KCNA6: variants seen among roughly 807,000 people sequenced by gnomAD.
KCNA6 encodes the protein human brain potassium channel-2.
Under a neutral mutation model 29.5 loss-of-function variants are expected in KCNA6, and 17 were observed. The observed-to-expected ratio is 0.58, with a 90% CI of 0.39 to 0.86. The LOEUF (loss-of-function observed/expected upper bound fraction) is 0.86, where lower values mean the gene tolerates loss of function less well. KCNA6 is among the 40% of genes least tolerant of loss of function. The pLI, the probability that KCNA6 is intolerant of heterozygous loss-of-function variation, is 0.00. For missense variants in KCNA6, 450 were observed against 703.4 expected (o/e 0.64, Z 4.07); for synonymous variants, 296 against 304.7 (o/e 0.97, Z 0.30).
chr12:4,828,650 G>A, the KCNA6 span, among the ~76,000 whole-genome samples: 1 of 152,198 alleles, frequency 6.6e-6, no homozygotes, highest in Non-Finnish European at 1.5e-5. Flanking sequence ...GGGCTTATGT[G>A]TACCAGCGCA....
chr12:4,832,848 A>G, the KCNA6 span, among the ~76,000 whole-genome samples: 4 of 152,190 alleles, frequency 2.6e-5, no homozygotes, highest in South Asian at 2.1e-4. Flanking sequence ...CACTCAGCAG[A>G]GGTTACCTTG....
chr12:4,830,955 C>T, the KCNA6 span, among the ~76,000 whole-genome samples: 1 of 152,238 alleles, frequency 6.6e-6, no homozygotes. Flanking sequence ...TCACTTTCCT[C>T]TCTCAGGCCC....
the KCNA6 span, among the ~76,000 whole-genome samples, chr12:4,840,863 A>C: frequency 5.9e-5 from 9 of 152,342 alleles, no homozygotes; most frequent in African/African-American, 1.7e-4. Context: ...GCACACAAGG[A>C]AGATTCTCAA....
At chr12:4,832,221 A>G in the KCNA6 span, among the ~76,000 whole-genome samples, 1 of 152,002 alleles carries the variant, frequency 6.6e-6, no homozygotes, top group South Asian at 2.1e-4. Context: ...GAAAACTCAG[A>G]CAGAGAGGGA....
At chr12:4,838,432 G>A in the KCNA6 span, among the ~76,000 whole-genome samples, 10,662 of 152,226 alleles carry the variant, frequency 0.07, 578 homozygotes, top group East Asian at 0.26. Context: ...AGTTTACAGC[G>A]TGATACTGTT....
At chr12:4,845,984 G>GGTTTTTTTTTTTTTTTTTTTT in the KCNA6 span, among the ~76,000 whole-genome samples, 1 of 129,486 alleles carries the variant, frequency 7.7e-6, no homozygotes, top group African/African-American at 3.0e-5. Flanking sequence ...GAATTTTAGA[G>GGTTTTTTTTTTTTTTTTTTTT]TTTTTTTTTT....
chr12:4,817,664 C>A (rs987056789), downstream of KCNA6, among the ~76,000 whole-genome samples: 3 of 152,198 alleles, frequency 2.0e-5, no homozygotes, highest in African/African-American at 7.2e-5. Context: ...AAGGTTCCTA[C>A]CCTACAGGAA....
At chr12:4,843,275 G>C in the KCNA6 span, among the ~76,000 whole-genome samples, 1,500 of 151,874 alleles carry the variant, frequency 9.9e-3, 23 homozygotes, top group African/African-American at 0.034. Context: ...CCGCCTCCCG[G>C]GTTCACACCA....
chr12:4,837,386 G>T, the KCNA6 span, among the ~76,000 whole-genome samples: 3 of 152,174 alleles, frequency 2.0e-5, no homozygotes, highest in Non-Finnish European at 4.4e-5. Flanking sequence ...CCACGGAGGG[G>T]GTCATGGCAA....
downstream of KCNA6, among the ~76,000 whole-genome samples, chr12:4,816,618 G>T (rs549693781): frequency 2.1e-3 from 318 of 152,176 alleles, 3 homozygotes; most frequent in African/African-American, 7.5e-3. Context: ...AAGGTTTTAT[G>T]TATTTATCTA....
the KCNA6 span, among the ~76,000 whole-genome samples, chr12:4,843,148 A>T: frequency 6.6e-6 from 1 of 151,612 alleles, no homozygotes; most frequent in Non-Finnish European, 1.5e-5. Flanking sequence ...ATTTGGGTGG[A>T]GGGCAAAACA....
chr12:4,816,470 G>A (rs1390585153), downstream of KCNA6, among the ~76,000 whole-genome samples: 1 of 151,866 alleles, frequency 6.6e-6, no homozygotes, highest in Non-Finnish European at 1.5e-5. Flanking sequence ...ACAGGACTAC[G>A]GTCTTGAGCT....
At chr12:4,850,738 G>GA in the KCNA6 span, 237,035 of 429,308 alleles carry the variant, frequency 0.55, 67,525 homozygotes, top group Admixed American at 0.62. The surrounding 1 kb of genome is among the most constrained non-coding windows in gnomAD (Gnocchi z 5.4). Flanking sequence ...TCCCTGGCAG[G>GA]AAAAATGCTG....
At chr12:4,814,558 C>T (rs1345162773), downstream of KCNA6, 1 of 167,136 alleles carries the variant, frequency 6.0e-6, no homozygotes, top group East Asian at 1.9e-4. The surrounding 1 kb of genome is among the most constrained non-coding windows in gnomAD (Gnocchi z 4.6). Flanking sequence ...GGACCCTGAG[C>T]CTCTTTATTT....
rs1946623582 is a variant in KCNA6, at chr12:4,810,908, G to T, written c.867G>T (p.Pro289=). 4 of 1,614,188 alleles carry T rather than the reference G, an allele frequency of 2.5e-6. No individual in the cohort carries two copies. The highest frequency in any genetic ancestry group is 1.3e-5 in the African/African-American group (1 of 75,056). ...GCTTCTCCGCCTGCCCTAGCAAGCC[G>T]GCCTTCTTCCGGAACATCATGAACA... Residue 289 remains proline (P), a synonymous_variant, in exon 1 of 1, where the codon CCG becomes CCT. Coordinates refer to ENST00000280684, the Ensembl canonical transcript of KCNA6. The surrounding 1 kb of genome is among the most constrained non-coding windows in gnomAD (Gnocchi z 7.5).
chr12:4,844,407 G>A, the KCNA6 span, among the ~76,000 whole-genome samples: 9 of 152,202 alleles, frequency 5.9e-5, no homozygotes, highest in Non-Finnish European at 1.0e-4. The surrounding 1 kb of genome is among the most constrained non-coding windows in gnomAD (Gnocchi z 4.0). Context: ...GTTAAATGAC[G>A]TAGTGGGAGA....
the KCNA6 span, among the ~76,000 whole-genome samples, chr12:4,826,190 T>C: frequency 1.3e-5 from 2 of 152,208 alleles, no homozygotes; most frequent in Non-Finnish European, 2.9e-5. Context: ...TGGATTTCAG[T>C]CTCCTGGAAA....
chr12:4,815,067 C>T (rs765120177), downstream of KCNA6, among the ~76,000 whole-genome samples: 1 of 152,082 alleles, frequency 6.6e-6, no homozygotes, highest in Non-Finnish European at 1.5e-5. Context: ...TTCATTCTTA[C>T]TGTCTCTGCC....
the KCNA6 span, among the ~76,000 whole-genome samples, chr12:4,839,884 T>G: frequency 5.3e-3 from 801 of 152,316 alleles, 6 homozygotes; most frequent in African/African-American, 0.018. Flanking sequence ...AGACCAAGTT[T>G]GTGTGACTCC....
Sources: gnomAD v4.1 joint callset for allele counts (sites outside exome capture counted in the v4.1 genomes callset) on GRCh38, gnomAD v4.1.1 for gene constraint, Gnocchi (gnomAD v3.1) non-coding constraint, MANE v1.5 for transcripts, NCBI Gene and HGNC (gene_info 2026-07-23, HGNC 2026-07-21) for gene names.